Variants in NFIB observed in about 807,000 individuals in gnomAD.
The protein encoded by NFIB is nuclear factor I B, also known as nuclear factor 1 B-type.
NFIB carries 11 observed loss-of-function variants against 61.5 expected under a neutral mutation model. That is an observed-to-expected ratio of 0.18 (90% CI 0.11 to 0.30). NFIB has a LOEUF of 0.30. Among genes scored for constraint, NFIB ranks in the 10% least tolerant of loss-of-function variants. NFIB has a pLI of 1.00. For missense variants in NFIB, 471 were observed against 608.9 expected, an observed-to-expected ratio of 0.77 and a Z score of 2.38; for synonymous variants, 260 against 216.5, an observed-to-expected ratio of 1.20 and a Z score of -1.76.
chr9:14,198,640 C>A (rs1317571285), intron 2 of NFIB, among the ~76,000 whole-genome samples: 1 of 152,120 alleles, frequency 6.6e-6, no homozygotes, highest in Non-Finnish European at 1.5e-5. Flanking sequence ...TCAGATTCCT[C>A]GACCTCACCC....
intron 1 of NFIB, among the ~76,000 whole-genome samples, chr9:14,321,625 CAG>C (rs1047646593): frequency 6.6e-5 from 10 of 152,096 alleles, no homozygotes; most frequent in African/African-American, 9.7e-5. Flanking sequence ...GGGCATAAAG[CAG>C]AGAGTTAAAG....
intron 1 of NFIB, chr9:14,322,013 G>A (rs1378123250): frequency 1.6e-6 from 2 of 1,223,468 alleles, no homozygotes; most frequent in Non-Finnish European, 2.0e-6. Context: ...GACTTGACGT[G>A]TCTCAGGTAC....
chr9:14,466,284 C>T, the NFIB span, among the ~76,000 whole-genome samples: 1 of 152,126 alleles, frequency 6.6e-6, no homozygotes, highest in South Asian at 2.1e-4. Context: ...TGAAGGTCTG[C>T]CAAGTGGTAG....
At chr9:14,242,022 G>C (rs1236925675) in intron 2 of NFIB, among the ~76,000 whole-genome samples, 1 of 151,962 alleles carries the variant, frequency 6.6e-6, no homozygotes, top group African/African-American at 2.4e-5. Flanking sequence ...TGTTTGAAAA[G>C]GCAAAAAAAA....
At chr9:14,390,141 T>C (rs1283078700) in intron 1 of NFIB, among the ~76,000 whole-genome samples, 1 of 152,122 alleles carries the variant, frequency 6.6e-6, no homozygotes, top group Non-Finnish European at 1.5e-5. Flanking sequence ...TTAAAGTTCA[T>C]TGGAAAGCAG....
chr9:14,154,811 T>A (rs936035844), intron 4 of NFIB, among the ~76,000 whole-genome samples: 4 of 152,174 alleles, frequency 2.6e-5, no homozygotes, highest in Non-Finnish European at 4.4e-5. Flanking sequence ...GGAACTACGG[T>A]TCAAAAGACA....
At chr9:14,188,391 A>G (rs1400543481) in intron 2 of NFIB, among the ~76,000 whole-genome samples, 1 of 152,212 alleles carries the variant, frequency 6.6e-6, no homozygotes, top group East Asian at 1.9e-4. Flanking sequence ...TAATATAAAT[A>G]CAGAGGCAAG....
chr9:14,209,207 T>A (rs891993147), intron 2 of NFIB, among the ~76,000 whole-genome samples: 1 of 152,236 alleles, frequency 6.6e-6, no homozygotes, highest in African/African-American at 2.4e-5. Context: ...GACATGCTTA[T>A]GTTCTTTTCA....
rs939026014 is a variant in NFIB at position 14,082,111 on chromosome 9, T to C, written c.*6198A>G. 1 of 210,048 alleles carries C rather than the reference T, an allele frequency of 4.8e-6. No individual in the cohort carries two copies. The highest frequency in any genetic ancestry group is 5.9e-5 in the Admixed American group (1 of 16,864). The allele number at this position is 210,048 out of a possible 1,614,324, so 13.0% of individuals were successfully genotyped here. On this transcript the variant is annotated 3_prime_UTR_variant, in exon 11 of 11. Coordinates refer to ENST00000380953, the MANE Select transcript of NFIB (RefSeq NM_001190737.2). ...ACTAACATTCTGGCCCAGTCTGGGGTTGATCCCAGAGGCCTGAACTCTAGA... is the reference window on the plus strand; with the variant it reads ...ACTAACATTCTGGCCCAGTCTGGGGCTGATCCCAGAGGCCTGAACTCTAGA...
intron 1 of NFIB, among the ~76,000 whole-genome samples, chr9:14,340,643 G>A (rs1459758942): frequency 2.6e-5 from 4 of 152,204 alleles, no homozygotes; most frequent in South Asian, 2.1e-4. Flanking sequence ...CTTTTCTCTC[G>A]AACAGGAAAC....
intron 2 of NFIB, among the ~76,000 whole-genome samples, chr9:14,206,793 A>G (rs182463662): frequency 1.0e-3 from 154 of 151,464 alleles, no homozygotes; most frequent in African/African-American, 3.5e-3. Flanking sequence ...CCAAGTAGCT[A>G]TATTTTATAT....
the NFIB span, among the ~76,000 whole-genome samples, chr9:14,504,979 G>A: frequency 4.6e-5 from 7 of 152,132 alleles, no homozygotes; most frequent in African/African-American, 1.4e-4. Flanking sequence ...TGTCATAGAT[G>A]ACTTTTATTA....
chr9:14,323,620 T>C (rs1014059672), intron 1 of NFIB, among the ~76,000 whole-genome samples: 1 of 152,208 alleles, frequency 6.6e-6, no homozygotes, highest in Non-Finnish European at 1.5e-5. Flanking sequence ...AAAAACCCTG[T>C]TGAATTATGT....
chr9:14,266,594 C>CA (rs150756221), intron 2 of NFIB, among the ~76,000 whole-genome samples: 3,736 of 146,360 alleles, frequency 0.026, 161 homozygotes, highest in African/African-American at 0.086. Context: ...GACCTTGTCT[C>CA]AAAAAAAAAA....
rs1414252217 is a variant in NFIB, at chr9:14,114,436, A to G, written c.1385-1355T>C. On this transcript the variant is annotated intron_variant, in intron 9 of 10. Coordinates refer to ENST00000380953, the MANE Select transcript of NFIB (RefSeq NM_001190737.2). Reference sequence around the variant, plus strand: ...CTGTGTTTTCTTTGACCATAGTACTATATCAATTCAATGACCAGTTTTTTA... The same window carrying G: ...CTGTGTTTTCTTTGACCATAGTACTGTATCAATTCAATGACCAGTTTTTTA... Among the ~76,000 whole-genome samples, 4 of 152,296 alleles carry G rather than the reference A, an allele frequency of 2.6e-5. No homozygotes were observed. In the South Asian group the frequency reaches 8.3e-4, roughly 32 times the overall value.
In NFIB at chr9:14,230,519, T is replaced by C. The variant is rs186608604; in HGVS notation, c.563-50739A>G. Among the ~76,000 whole-genome samples the C allele has an allele frequency of 1.4e-3, 213 of 152,272 alleles. 1 individual carries two copies. The highest frequency in any genetic ancestry group is 2.4e-3 in the Non-Finnish European group (162 of 68,034). ...AAGTCCCATGAGAGCAGAGATATAG[T>C]CTATATCCAAATGAACCCTGAATTT... On this transcript the variant is annotated intron_variant, in intron 2 of 10. Coordinates refer to ENST00000380953, the MANE Select transcript of NFIB (RefSeq NM_001190737.2).
At chr9:14,518,657 A>G in the NFIB span, among the ~76,000 whole-genome samples, 1 of 151,894 alleles carries the variant, frequency 6.6e-6, no homozygotes, top group East Asian at 1.9e-4. Context: ...ACGGAAAGAA[A>G]CTCAAGAAAA....
chr9:14,178,049 C>A (rs1027353393), intron 3 of NFIB, among the ~76,000 whole-genome samples: 17 of 152,258 alleles, frequency 1.1e-4, no homozygotes, highest in African/African-American at 3.4e-4. Context: ...AGCTTTCATT[C>A]AAATGCAGAA....
At chr9:14,199,426 G>A (rs764980703) in intron 2 of NFIB, among the ~76,000 whole-genome samples, 9 of 152,220 alleles carry the variant, frequency 5.9e-5, no homozygotes, top group Non-Finnish European at 1.3e-4. Context: ...GGCTTTAGAT[G>A]CCTGATAAAG....
Sources: allele counts gnomAD v4.1 joint callset (sites outside exome capture counted in the v4.1 genomes callset), GRCh38; gene constraint gnomAD v4.1.1; transcripts MANE v1.5; gene names NCBI Gene and HGNC (gene_info 2026-07-23, HGNC 2026-07-21).